PAFAH1B1: variants seen among roughly 807,000 people sequenced by gnomAD.
The protein encoded by PAFAH1B1 is platelet-activating factor acetylhydrolase IB subunit beta.
In PAFAH1B1, 2 loss-of-function variants were observed where a neutral mutation model predicts 57.5. The ratio of observed to expected loss-of-function variants is 0.03; its 90% CI spans 0.01 to 0.11. PAFAH1B1 has a LOEUF of 0.11. Among genes scored for constraint, PAFAH1B1 ranks in the 10% least tolerant of loss-of-function variants. The pLI, the probability that PAFAH1B1 is intolerant of heterozygous loss-of-function variation, is 1.00. For missense variants in PAFAH1B1, 257 were observed against 512.0 expected (o/e 0.50, Z 4.81); for synonymous variants, 152 against 169.6 (o/e 0.90, Z 0.81).
chr17:2,680,678 A>G (rs892387928), intron 10 of PAFAH1B1, among the ~76,000 whole-genome samples: 5 of 152,308 alleles, frequency 3.3e-5, no homozygotes, highest in African/African-American at 4.8e-5. Flanking sequence ...GGTGTATACT[A>G]TCAGATACTA....
chr17:2,668,403 T>C (rs1337956794), intron 5 of PAFAH1B1, among the ~76,000 whole-genome samples: 1 of 152,048 alleles, frequency 6.6e-6, no homozygotes, highest in Non-Finnish European at 1.5e-5. Context: ...ACTGAAATTA[T>C]GGGCCGGGTG....
At chr17:2,653,894 C>T (rs1270815094) in intron 2 of PAFAH1B1, among the ~76,000 whole-genome samples, 1 of 152,096 alleles carries the variant, frequency 6.6e-6, no homozygotes, top group African/African-American at 2.4e-5. Flanking sequence ...CTGCAACCTC[C>T]ACCTCCTGGG....
At chr17:2,654,470 C>T (rs557969762) in intron 2 of PAFAH1B1, among the ~76,000 whole-genome samples, 2 of 152,052 alleles carry the variant, frequency 1.3e-5, no homozygotes, top group South Asian at 4.1e-4. Context: ...CCACTCCACT[C>T]GGTCTGTCTT....
chr17:2,679,582 A>G (rs965200616), intron 9 of PAFAH1B1: 2 of 139,946 alleles, frequency 1.4e-5, no homozygotes, highest in Non-Finnish European at 3.1e-5. Flanking sequence ...GGATGATTGG[A>G]TGGATAGATA....
chr17:2,653,269 G>T (rs536031426), intron 2 of PAFAH1B1, among the ~76,000 whole-genome samples: 1 of 152,122 alleles, frequency 6.6e-6, no homozygotes, highest in East Asian at 1.9e-4. Flanking sequence ...AGGGCCTGTC[G>T]TGAGGTGAGG....
chr17:2,642,035 T>C (rs1176400425), intron 2 of PAFAH1B1: 1 of 152,180 alleles, frequency 6.6e-6, no homozygotes, highest in Non-Finnish European at 1.5e-5. Flanking sequence ...GTGTCACCAG[T>C]TGAAAACTAC....
intron 1 of PAFAH1B1, among the ~76,000 whole-genome samples, chr17:2,612,508 G>C (rs2068279154): frequency 6.7e-6 from 1 of 148,824 alleles, no homozygotes; most frequent in Non-Finnish European, 1.5e-5. Flanking sequence ...ATGCCCGGCC[G>C]TATCTTCCCG....
At chr17:2,626,023 G>A (rs1302279154) in intron 1 of PAFAH1B1, among the ~76,000 whole-genome samples, 1 of 152,136 alleles carries the variant, frequency 6.6e-6, no homozygotes, top group African/African-American at 2.4e-5. Context: ...GGCCAAGGCA[G>A]GTGGATCACT....
chr17:2,672,585 A>T, intron 6 of PAFAH1B1, 70 bp from the exon 7 acceptor site: 2 of 1,045,272 alleles, frequency 1.9e-6, no homozygotes, highest in Non-Finnish European at 3.0e-6. Context: ...GTAAAATCCC[A>T]TGGTCAATTG....
At chr17:2,616,794 T>A (rs1242453068) in intron 1 of PAFAH1B1, among the ~76,000 whole-genome samples, 2 of 152,062 alleles carry the variant, frequency 1.3e-5, no homozygotes, top group Non-Finnish European at 2.9e-5. Context: ...CCGGGTGCAG[T>A]GGCTCACGCC....
chr17:2,607,782 G>A (rs1278562868), intron 1 of PAFAH1B1, among the ~76,000 whole-genome samples: 1 of 152,052 alleles, frequency 6.6e-6, no homozygotes, highest in African/African-American at 2.4e-5. Flanking sequence ...CACCGCACCC[G>A]GCTTGATGTC....
At chr17:2,611,306 A>G (rs999643939) in intron 1 of PAFAH1B1, among the ~76,000 whole-genome samples, 1 of 151,930 alleles carries the variant, frequency 6.6e-6, no homozygotes, top group African/African-American at 2.4e-5. Flanking sequence ...TATCTCTACT[A>G]AAAATACAAA....
rs377583144 is a variant in PAFAH1B1 at position 2,672,694 on chromosome 17, A to T, written c.608A>T (p.Asn203Ile). 1 of 1,613,548 alleles carries T rather than the reference A, an allele frequency of 6.2e-7. No homozygotes were observed. Among genetic ancestry groups the T allele is most frequent in the East Asian group, 2.2e-5 (1 of 44,870 alleles). Residue 203 changes from asparagine (N) to isoleucine (I), a missense_variant, in exon 7 of 11, where the codon AAT becomes ATT. By Grantham distance (149) the Asn-to-Ile change is moderately radical (BLOSUM62 -3). Coordinates refer to ENST00000397195, the MANE Select transcript of PAFAH1B1 (RefSeq NM_000430.4). The stretch of plus-strand genomic sequence containing the variant: ...GTTTCTTCAGTAGCCATCATGCCCA[A>T]TGGAGATCATATAGTGTCTGCCTCA... ...HNVSSVAIMP[N>I]GDHIVSASRD...
chr17:2,593,909 T>TCCCTCCTTCCTCCCTCCCC lies in PAFAH1B1; in HGVS notation c.-287_-269dup. 1 of 114,380 alleles carries TCCCTCCTTCCTCCCTCCCC rather than the reference T, an allele frequency of 8.7e-6. No individual in the cohort carries two copies. Among genetic ancestry groups the TCCCTCCTTCCTCCCTCCCC allele is most frequent in the Non-Finnish European group, 1.5e-5 (1 of 64,810 alleles). The allele number at this position is 114,380 out of a possible 1,614,324, so 7.1% of individuals were successfully genotyped here. A position where few individuals can be genotyped will look rare whatever the true frequency, so the allele number is the denominator to read the frequency against. On this transcript the variant is annotated 5_prime_UTR_variant, in exon 1 of 11. Coordinates refer to ENST00000397195, the MANE Select transcript of PAFAH1B1 (RefSeq NM_000430.4). ...CCATCCTCCCCCCTCCTTCCCTCCCTCCCTCCTTCCTCCCTCCCCTCTCCC... is the reference window on the plus strand; with the variant it reads ...CCATCCTCCCCCCTCCTTCCCTCCCTCCCTCCTTCCTCCCTCCCCCCCTCCTTCCTCCCTCCCCTCTCCC...
intron 2 of PAFAH1B1, among the ~76,000 whole-genome samples, chr17:2,662,848 C>T (rs1257667507): frequency 6.6e-6 from 1 of 152,124 alleles, no homozygotes; most frequent in Admixed American, 6.6e-5. Flanking sequence ...CAGTGGCTAA[C>T]GCCTGTAATC....
chr17:2,623,540 G>A (rs746320145), intron 1 of PAFAH1B1, among the ~76,000 whole-genome samples: 3 of 151,702 alleles, frequency 2.0e-5, no homozygotes, highest in Non-Finnish European at 4.4e-5. Flanking sequence ...TTACAGGCGT[G>A]AGCCACTGCG....
chr17:2,602,637 G>A (rs1288906502), intron 1 of PAFAH1B1, among the ~76,000 whole-genome samples: 1 of 152,042 alleles, frequency 6.6e-6, no homozygotes, highest in Non-Finnish European at 1.5e-5. Flanking sequence ...TCCGGTTAAC[G>A]TCTTTCTGCT....
At chr17:2,622,833 G>A (rs2068441879) in intron 1 of PAFAH1B1, among the ~76,000 whole-genome samples, 1 of 152,206 alleles carries the variant, frequency 6.6e-6, no homozygotes, top group Non-Finnish European at 1.5e-5. Flanking sequence ...ACTTTTGCCT[G>A]GGCATCTGGA....
chr17:2,636,180 T>G (rs1372541835), intron 1 of PAFAH1B1, among the ~76,000 whole-genome samples: 1 of 152,140 alleles, frequency 6.6e-6, no homozygotes, highest in Non-Finnish European at 1.5e-5. Flanking sequence ...GAAGTATGGT[T>G]TACTGGCTTG....
Sources: gnomAD v4.1 joint callset for allele counts (sites outside exome capture counted in the v4.1 genomes callset) on GRCh38, gnomAD v4.1.1 for gene constraint, MANE v1.5 for transcripts, NCBI Gene and HGNC (gene_info 2026-07-23, HGNC 2026-07-21) for gene names.